Variants in AAAS observed in about 807,000 individuals in gnomAD.
AAAS encodes the protein aladin.
In AAAS, 60 loss-of-function variants were observed where a neutral mutation model predicts 75.6. The observed-to-expected ratio is 0.79, with a 90% CI of 0.64 to 0.98. AAAS has a LOEUF of 0.98. AAAS is among the 50% of genes least tolerant of loss of function. The probability of loss-of-function intolerance (pLI) is 0.00; values close to 1 mark genes in which losing one functional copy is unlikely to be tolerated. For missense variants in AAAS, 658 were observed against 686.9 expected (o/e 0.96, Z 0.47); for synonymous variants, 271 against 265.0 (o/e 1.02, Z -0.22).
chr12:53,320,506 T>A, intron 2 of AAAS, 59 bp downstream of exon 2: 1 of 1,611,086 alleles, frequency 6.2e-7, no homozygotes, highest in Non-Finnish European at 8.5e-7. Flanking sequence ...TAAAGGGGTG[T>A]TGACTCATTT....
At chr12:53,312,095 AG>A (rs1345986478) in intron 7 of AAAS, among the ~76,000 whole-genome samples, 1 of 152,036 alleles carries the variant, frequency 6.6e-6, no homozygotes, top group African/African-American at 2.4e-5. Context: ...TGGGATGCTG[AG>A]GCGGGCGGAT....
In AAAS at chr12:53,309,202, G is replaced by A; in HGVS notation, c.890C>T (p.Pro297Leu). 1 of 1,614,138 alleles carries A rather than the reference G, an allele frequency of 6.2e-7. No homozygotes were observed. Among genetic ancestry groups the A allele is most frequent in the South Asian group, 1.1e-5 (1 of 91,076 alleles). ...GGTAGCCAGGATTTTGCTGCCGTCT[G>A]GGGACCAGAGCAGGTTGGTCACCCC... is the stretch of plus-strand genomic sequence containing the variant. ...GGGVTNLLWSPDGSKILATTP... is the reference protein window; with the variant it reads ...GGGVTNLLWSLDGSKILATTP... Residue 297 changes from proline (P) to leucine (L), a missense_variant, in exon 9 of 16, where the codon CCA becomes CTA. By Grantham distance (98) the Pro-to-Leu change is moderately conservative. Transcript: ENST00000209873.
chr12:53,318,471 C>T (rs556489162), intron 2 of AAAS, among the ~76,000 whole-genome samples: 117 of 152,232 alleles, frequency 7.7e-4, no homozygotes, highest in African/African-American at 2.7e-3. Flanking sequence ...CCTTGGCCTC[C>T]CAAAGTGCTG....
At chr12:53,311,348 C>T (rs1944386363) in intron 7 of AAAS, among the ~76,000 whole-genome samples, 1 of 152,190 alleles carries the variant, frequency 6.6e-6, no homozygotes, top group Non-Finnish European at 1.5e-5. Context: ...GAAACGTCCA[C>T]CTCCTGGGTT....
chr12:53,315,680 AG>A (rs1944451099), intron 3 of AAAS, 46 bp downstream of exon 3: 1 of 1,601,464 alleles, frequency 6.2e-7, no homozygotes, highest in Admixed American at 1.7e-5. Context: ...GAATATGGAG[AG>A]GAGATAACCA....
intron 2 of AAAS, among the ~76,000 whole-genome samples, chr12:53,319,669 T>A (rs1944520591): frequency 6.6e-6 from 1 of 151,398 alleles, no homozygotes; most frequent in South Asian, 2.1e-4. Flanking sequence ...CTGGGCGTGG[T>A]GGCACATGCC....
At chr12:53,318,223 A>AGTGTGTGTGTGTGTGTGTGT (rs71443291) in intron 2 of AAAS, among the ~76,000 whole-genome samples, 2 of 136,910 alleles carry the variant, frequency 1.5e-5, no homozygotes, top group Non-Finnish European at 3.1e-5. Context: ...ATGGGGTTTC[A>AGTGTGTGTGTGTGTGTGTGT]GTGTGTGTGT....
intron 7 of AAAS, among the ~76,000 whole-genome samples, chr12:53,311,850 G>A (rs1362998194): frequency 1.3e-5 from 2 of 152,044 alleles, no homozygotes; most frequent in African/African-American, 2.4e-5. Flanking sequence ...GGAGGCAGAG[G>A]TTGTTGCAGT....
In AAAS at chr12:53,315,343, G is replaced by A. The variant is rs746462406; in HGVS notation, c.391C>T (p.His131Tyr). The change falls in exon 4 of 16, where the codon CAT (histidine) becomes TAT (tyrosine). Residue 131 changes from histidine (H) to tyrosine (Y), a missense_variant. His to Tyr is a moderately conservative substitution (Grantham distance 83). Coordinates refer to ENST00000209873, the MANE Select transcript of AAAS (RefSeq NM_015665.6). ...ASSLHGSLFP[H>Y]LSLRSEDLIA... ...GAGGAAGCCAAACTTACAGACAGAT[G>A]GGGGAACAGGGACCCATGGAGGGAA... 6.2e-7 allele frequency: 1 copy of A among 1,614,166 alleles called. No individual in the cohort carries two copies. The highest frequency in any genetic ancestry group is 8.5e-7 in the Non-Finnish European group (1 of 1,180,028).
intron 7 of AAAS, 92 bp downstream of exon 7, chr12:53,314,206 A>G: frequency 6.4e-7 from 1 of 1,569,054 alleles, no homozygotes; most frequent in East Asian, 2.2e-5. Flanking sequence ...CTGTGAGGAC[A>G]AAGAACTTCT....
chr12:53,315,276 G>A, intron 4 of AAAS, 59 bp downstream of exon 4: 1 of 1,602,306 alleles, frequency 6.2e-7, no homozygotes, highest in South Asian at 1.1e-5. Flanking sequence ...ATAGGAATGA[G>A]GGCAGAGTAG....
At chr12:53,310,738 C>A (rs1944376789) in intron 7 of AAAS, among the ~76,000 whole-genome samples, 1 of 152,180 alleles carries the variant, frequency 6.6e-6, no homozygotes, top group African/African-American at 2.4e-5. Context: ...CTATAACCAC[C>A]TTCAGCTCCA....
chr12:53,320,429 A>G lies in AAAS; in HGVS notation c.251+136T>C. On this transcript the variant is annotated intron_variant, in intron 2 of 15. Coordinates refer to ENST00000209873, the MANE Select transcript of AAAS (RefSeq NM_015665.6). ...CTATAATAAGGACTAAAAATTTCAT[A>G]TGATTTAGGATATACAGCTCTCGTG... 2.4e-6 allele frequency: 3 copies of G among 1,253,998 alleles called. No individual in the cohort carries two copies. The South Asian group carries it at 3.7e-5, about 15-fold the overall frequency. 77.7% of individuals were successfully genotyped at this position (1,253,998 alleles called of 1,614,324 possible).
chr12:53,314,549 G>A (rs2136810567), intron 6 of AAAS, 108 bp from the exon 7 acceptor site: 2 of 1,503,706 alleles, frequency 1.3e-6, no homozygotes, highest in East Asian at 2.3e-5. Context: ...GATCCATCCA[G>A]GGGCCAGGGG....
chr12:53,321,261 CCT>C (rs1944549630), intron 1 of AAAS, 80 bp downstream of exon 1: 1 of 1,570,352 alleles, frequency 6.4e-7, no homozygotes, highest in South Asian at 1.2e-5. Context: ...TGACCCTGCC[CCT>C]GTCACACTGC....
rs11170500 is a variant in AAAS at position 53,309,524 on chromosome 12, C to G, written c.810+77G>C. On this transcript the variant is annotated intron_variant, in intron 8 of 15. Transcript: ENST00000209873. ...TGGACCAAGGTCCCTCCTCCTTCCCCCAAGATGTTTCCACAACCGAGTGAG... is the reference window on the plus strand; with the variant it reads ...TGGACCAAGGTCCCTCCTCCTTCCCGCAAGATGTTTCCACAACCGAGTGAG... The G allele has an allele frequency of 1.4e-3, 2,178 of 1,609,120 alleles. 3 individuals carry two copies. The highest frequency in any genetic ancestry group is 1.7e-3 in the Non-Finnish European group (2,016 of 1,178,682).
At chr12:53,308,016 G>C (rs1367962299) in intron 14 of AAAS, 36 bp downstream of exon 14, 1 of 1,613,568 alleles carries the variant, frequency 6.2e-7, no homozygotes, top group South Asian at 1.1e-5. Flanking sequence ...GAAGGCTGGT[G>C]AGAAGTCCAG....
In AAAS at chr12:53,321,391, C is replaced by T. The variant is rs761062062; in HGVS notation, c.75G>A (p.Leu25=). ...GGCTCTCATAGCTACTGCCCGTCAC[C>T]AGCTCGTTATTGTGCTCATATAGGG... ...QVTLYEHNNE[L]VTGSSYESPP... Residue 25 remains leucine, a synonymous_variant, in exon 1 of 16, where the codon CTG becomes CTA. Transcript: ENST00000209873. 2.5e-6 allele frequency: 4 copies of T among 1,614,208 alleles called. No homozygotes were observed. The South Asian group carries it at 4.4e-5, about 18-fold the overall frequency.
intron 2 of AAAS, 79 bp downstream of exon 2, chr12:53,320,486 C>T (rs1408800778): frequency 1.9e-6 from 3 of 1,597,536 alleles, no homozygotes; most frequent in Non-Finnish European, 2.6e-6. Context: ...TTTTGAAGAA[C>T]ACCCCAAGGT....
Sources: allele counts gnomAD v4.1 joint callset (sites outside exome capture counted in the v4.1 genomes callset), GRCh38; gene constraint gnomAD v4.1.1; transcripts MANE v1.5; gene names NCBI Gene and HGNC (gene_info 2026-07-23, HGNC 2026-07-21).